FMO2: variants seen among roughly 807,000 people sequenced by gnomAD.
FMO2 encodes flavin-containing monooxygenase 2.
Under a neutral mutation model 41.6 loss-of-function variants are expected in FMO2, and 33 were observed. The observed-to-expected ratio is 0.79, with a 90% CI of 0.60 to 1.06. The LOEUF (loss-of-function observed/expected upper bound fraction) is 1.06, where lower values mean the gene tolerates loss of function less well. Ranked by LOEUF, FMO2 falls within the 50% of genes least tolerant of loss-of-function variation. FMO2 has a pLI of 0.00. For synonymous variants in FMO2, 214 were observed against 219.6 expected (o/e 0.97, Z 0.23); for missense variants, 619 against 632.9 (o/e 0.98, Z 0.23).
At chr1:171,203,011 G>A (rs1269127830) in intron 5 of FMO2, among the ~76,000 whole-genome samples, 1 of 151,992 alleles carries the variant, frequency 6.6e-6, no homozygotes, top group Non-Finnish European at 1.5e-5. Flanking sequence ...TGCACTTGAA[G>A]AGAAAGAGAA....
At position 171,210,792 on chromosome 1, in the gene FMO2, CAATTA is replaced by C. The variant is rs1658947459; in HGVS notation, c.*1649_*1653del. ...TAGTTAAAACTTTTTCTTTAAAATTCAATTAAGGTACTTCTCCCTCAGGGACGTAG... is the reference window on the plus strand; with the variant it reads ...TAGTTAAAACTTTTTCTTTAAAATTCAGGTACTTCTCCCTCAGGGACGTAG... On this transcript the variant is annotated 3_prime_UTR_variant, in exon 9 of 9. Coordinates refer to ENST00000209929, the MANE Select transcript of FMO2 (RefSeq NM_001460.5). 2.9e-5 allele frequency: 4 copies of C among 139,406 alleles called. 2 individuals carry two copies. The highest frequency in any genetic ancestry group is 1.5e-4 in the Admixed American group (2 of 13,610). The allele number at this position is 139,406 out of a possible 1,614,324, so 8.6% of individuals were successfully genotyped here. A position where few individuals can be genotyped will look rare whatever the true frequency, so the allele number is the denominator to read the frequency against.
chr1:171,192,487 CAAGCA>C (rs1557975777), intron 2 of FMO2, among the ~76,000 whole-genome samples: 1 of 152,028 alleles, frequency 6.6e-6, no homozygotes, highest in Non-Finnish European at 1.5e-5. Flanking sequence ...GTGGATGAAC[CAAGCA>C]TGGTGGTGCC....
At chr1:171,193,579 T>G in intron 3 of FMO2, 56 bp downstream of exon 3, 1 of 1,133,706 alleles carries the variant, frequency 8.8e-7, no homozygotes, top group South Asian at 1.4e-5. Flanking sequence ...CATATTTAGA[T>G]AGAAAAGTTA....
chr1:171,186,550 C>T (rs1657856777), intron 2 of FMO2, among the ~76,000 whole-genome samples: 1 of 152,052 alleles, frequency 6.6e-6, no homozygotes, highest in South Asian at 2.1e-4. Context: ...GGAAAAGCCC[C>T]TTATAAAACC....
chr1:171,191,837 A>G (rs1557975222), intron 2 of FMO2, among the ~76,000 whole-genome samples: 1 of 149,116 alleles, frequency 6.7e-6, no homozygotes, highest in Non-Finnish European at 1.5e-5. Context: ...CTGCCTGGGC[A>G]ACATGGTAAG....
At chr1:171,201,011 C>A (rs1412470795) in intron 5 of FMO2, among the ~76,000 whole-genome samples, 1 of 152,188 alleles carries the variant, frequency 6.6e-6, no homozygotes, top group Admixed American at 6.5e-5. Context: ...GATATCAAAT[C>A]TTAGATGGCA....
intron 2 of FMO2, among the ~76,000 whole-genome samples, chr1:171,187,055 G>T (rs1367488787): frequency 6.6e-6 from 1 of 152,220 alleles, no homozygotes; most frequent in Non-Finnish European, 1.5e-5. Flanking sequence ...CAAACTGAAA[G>T]TGAGGGAGGT....
chr1:171,196,839 T>C, intron 4 of FMO2, 28 bp downstream of exon 4: 1 of 1,603,512 alleles, frequency 6.2e-7, no homozygotes, highest in Non-Finnish European at 8.5e-7. Context: ...TCCCAGCTTT[T>C]TGGAGTAGGT....
chr1:171,198,795 G>T (rs1658404513), intron 4 of FMO2, among the ~76,000 whole-genome samples: 1 of 152,122 alleles, frequency 6.6e-6, no homozygotes, highest in Non-Finnish European at 1.5e-5. Context: ...ATCTGGTCCT[G>T]CTGTGTTCAT....
rs745828232 is a variant in FMO2, at chr1:171,193,456, C to G, written c.254C>G (p.Ser85Cys). The G allele has an allele frequency of 6.2e-7, 1 of 1,611,758 alleles. No homozygotes were observed. The highest frequency in any genetic ancestry group is 8.5e-7 in the Non-Finnish European group (1 of 1,178,296). The change falls in exon 3 of 9, where the codon TCT becomes TGT. Residue 85 changes from serine to cysteine, a missense_variant. Coordinates refer to ENST00000209929, the MANE Select transcript of FMO2 (RefSeq NM_001460.5). ...GATTTTCCAAACTTCCTGCATAATT[C>G]TAAACTTCTGGAATATTTCAGGATT... Reference protein sequence around the residue: ...PEDFPNFLHNSKLLEYFRIFA... With the variant: ...PEDFPNFLHNCKLLEYFRIFA...
chr1:171,193,245 G>T (rs564240943), intron 2 of FMO2, 90 bp from the exon 3 acceptor site: 2 of 763,436 alleles, frequency 2.6e-6, no homozygotes, highest in African/African-American at 3.5e-5. Context: ...AAAGACAATC[G>T]CATTACCCAG....
chr1:171,198,818 G>A (rs538368613), intron 4 of FMO2, among the ~76,000 whole-genome samples: 6 of 152,182 alleles, frequency 3.9e-5, no homozygotes, highest in Admixed American at 3.9e-4. Context: ...CCATTTATTT[G>A]TCTCTGATAG....
chr1:171,207,678 G>T (rs1012832248), intron 7 of FMO2, 40 bp from the exon 8 acceptor site: 3 of 1,281,168 alleles, frequency 2.3e-6, no homozygotes, highest in South Asian at 1.2e-5. Flanking sequence ...TAATGATATT[G>T]ACTCAAACTT....
chr1:171,203,754 C>T (rs1658634473), intron 5 of FMO2, 111 bp from the exon 6 acceptor site: 1 of 924,850 alleles, frequency 1.1e-6, no homozygotes, highest in African/African-American at 1.6e-5. Flanking sequence ...ATCTTTAAAA[C>T]AGAACCTCTG....
In FMO2 at chr1:171,185,755, C is replaced by T; in HGVS notation, c.42C>T (p.Gly14=). Residue 14 remains glycine (G), a synonymous_variant, in exon 2 of 9, where the codon GGC becomes GGT. Transcript: ENST00000209929. ...CTGTGATTGGAGCTGGGGTCAGTGGCCTAATTTCTCTGAAGTGCTGTGTGG... is the reference window on the plus strand; with the variant it reads ...CTGTGATTGGAGCTGGGGTCAGTGGTCTAATTTCTCTGAAGTGCTGTGTGG... ...KVAVIGAGVS[G]LISLKCCVDE... 6.2e-7 allele frequency: 1 copy of T among 1,613,830 alleles called. No homozygotes were observed. Among genetic ancestry groups the T allele is most frequent in the Middle Eastern group, 1.7e-4 (1 of 6,054 alleles).
At position 171,209,544 on chromosome 1, in the gene FMO2, G is replaced by A. The variant is rs1278336769; in HGVS notation, c.*399G>A. On this transcript the variant is annotated 3_prime_UTR_variant, in exon 9 of 9. Coordinates refer to ENST00000209929, the MANE Select transcript of FMO2 (RefSeq NM_001460.5). ...TAAATATTTAAAACTCCTGAACAATGTTTCTGATGGTCTTCTATCCACCCT... is the reference window on the plus strand; with the variant it reads ...TAAATATTTAAAACTCCTGAACAATATTTCTGATGGTCTTCTATCCACCCT... The A allele has an allele frequency of 1.3e-5, 2 of 154,714 alleles. No individual in the cohort carries two copies. The highest frequency in any genetic ancestry group is 4.8e-5 in the African/African-American group (2 of 41,542). The allele number at this position is 154,714 out of a possible 1,614,324, so 9.6% of individuals were successfully genotyped here.
At chr1:171,208,731 GC>G (rs1488850561) in intron 8 of FMO2, 62 bp from the exon 9 acceptor site, 13 of 1,474,988 alleles carry the variant, frequency 8.8e-6, no homozygotes, top group Admixed American at 8.8e-5. Flanking sequence ...AGTTTTGAAT[GC>G]CTAATATTCT....
Position 171,194,601 on chromosome 1 carries a change from T to A in FMO2, c.321+1078T>A, listed in dbSNP as rs535672561. Among the ~76,000 whole-genome samples the A allele has an allele frequency of 4.6e-5, 7 of 152,210 alleles. No homozygotes were observed. The South Asian group carries it at 1.5e-3, about 32-fold the overall frequency. Reference sequence around the variant, plus strand: ...AGTGAAAATCTGTCTCTACAAAAAATTTTTAAAAGATTATCCAGGCATGTT... The same window carrying A: ...AGTGAAAATCTGTCTCTACAAAAAAATTTTAAAAGATTATCCAGGCATGTT... On this transcript the variant is annotated intron_variant, in intron 3 of 8. Transcript: ENST00000209929.
intron 2 of FMO2, among the ~76,000 whole-genome samples, chr1:171,192,765 C>CA (rs71561558): frequency 0.014 from 1,590 of 111,124 alleles, 24 homozygotes; most frequent in African/African-American, 0.021. Context: ...GACTCTGTCT[C>CA]AAAAAAAAAA....
Sources: allele counts gnomAD v4.1 joint callset (sites outside exome capture counted in the v4.1 genomes callset), GRCh38; gene constraint gnomAD v4.1.1; transcripts MANE v1.5; gene names NCBI Gene and HGNC (gene_info 2026-07-23, HGNC 2026-07-21).